Variants in CDH2 observed in about 807,000 individuals in gnomAD.
CDH2 encodes cadherin 2.
In CDH2, 17 loss-of-function variants were observed where a neutral mutation model predicts 92.0. That is an observed-to-expected ratio of 0.18 (90% CI 0.13 to 0.28). The LOEUF is 0.28. Among genes scored for constraint, CDH2 ranks in the 10% least tolerant of loss-of-function variants. CDH2 has a pLI of 1.00. For synonymous variants in CDH2, 419 were observed against 415.9 expected, an observed-to-expected ratio of 1.01 and a Z score of -0.09; for missense variants, 862 against 1,133.1, an observed-to-expected ratio of 0.76 and a Z score of 3.44.
chr18:28,027,698 C>T (rs571746492), intron 2 of CDH2, among the ~76,000 whole-genome samples: 2 of 152,222 alleles, frequency 1.3e-5, no homozygotes, highest in African/African-American at 2.4e-5. Context: ...ATTCTAATAA[C>T]TCAAAAGTTT....
At chr18:28,012,525 C>T (rs2013131052) in intron 3 of CDH2, among the ~76,000 whole-genome samples, 1 of 152,204 alleles carries the variant, frequency 6.6e-6, no homozygotes, top group Non-Finnish European at 1.5e-5. Context: ...AGATGACCCA[C>T]TTTGCACATT....
At chr18:28,166,163 T>TATATATAC (rs2016379547) in intron 1 of CDH2, among the ~76,000 whole-genome samples, 1 of 138,158 alleles carries the variant, frequency 7.2e-6, no homozygotes, top group Non-Finnish European at 1.6e-5. Context: ...TATATATATA[T>TATATATAC]ATATATATAT....
chr18:28,171,950 T>C (rs1321496299), intron 1 of CDH2, among the ~76,000 whole-genome samples: 1 of 152,196 alleles, frequency 6.6e-6, no homozygotes, highest in Non-Finnish European at 1.5e-5. Context: ...TATTATACTG[T>C]TGGTGCCTAA....
At chr18:27,984,940 T>G in intron 13 of CDH2, 60 bp downstream of exon 13, 2 of 1,364,152 alleles carry the variant, frequency 1.5e-6, no homozygotes, top group Non-Finnish European at 2.1e-6. Flanking sequence ...AACACATGAC[T>G]TTGCTGAACA....
At chr18:27,973,980 T>C (rs569454404) in intron 14 of CDH2, among the ~76,000 whole-genome samples, 1 of 152,320 alleles carries the variant, frequency 6.6e-6, no homozygotes, top group Non-Finnish European at 1.5e-5. Flanking sequence ...TGAAACCCAG[T>C]TAATGTTAAG....
At chr18:28,031,448 G>A (rs2013693387) in intron 2 of CDH2, among the ~76,000 whole-genome samples, 1 of 151,942 alleles carries the variant, frequency 6.6e-6, no homozygotes, top group South Asian at 2.1e-4. Context: ...CATCTACGGT[G>A]GCCTTTGAAA....
chr18:28,043,026 T>C (rs2013978082), intron 2 of CDH2, among the ~76,000 whole-genome samples: 1 of 152,202 alleles, frequency 6.6e-6, no homozygotes, highest in Non-Finnish European at 1.5e-5. Context: ...TTGCCAATAT[T>C]AAAGCAAGAA....
chr18:27,995,313 C>CAAAAAA (rs34313496), intron 7 of CDH2, among the ~76,000 whole-genome samples: 1 of 80,240 alleles, frequency 1.2e-5, no homozygotes, highest in African/African-American at 4.9e-5. Flanking sequence ...GACTCCATCT[C>CAAAAAA]AAAAAAAAAA....
chr18:28,062,801 C>G (rs1052534613), intron 2 of CDH2, among the ~76,000 whole-genome samples: 2 of 152,126 alleles, frequency 1.3e-5, no homozygotes, highest in Non-Finnish European at 2.9e-5. Flanking sequence ...GGTGAAACCC[C>G]TTCTCTACCA....
intron 14 of CDH2, among the ~76,000 whole-genome samples, chr18:27,981,102 T>C (rs186510810): frequency 6.6e-5 from 10 of 152,288 alleles, no homozygotes; most frequent in Middle Eastern, 3.4e-3. Flanking sequence ...TTCTTGGTTC[T>C]TGCCTCTGAG....
intron 2 of CDH2, among the ~76,000 whole-genome samples, chr18:28,080,833 T>C (rs1012537625): frequency 4.9e-4 from 74 of 152,256 alleles, no homozygotes; most frequent in African/African-American, 1.6e-3. Flanking sequence ...TTTAACAAAA[T>C]TGAAAAAGGC....
Position 28,013,691 on chromosome 18 carries a change from A to G in CDH2, c.391T>C (p.Ser131Pro), listed in dbSNP as rs183606230. ...ATATTCGGATACTATACCTTCACTG[A>G]CTCCTCAGTTAAGGTTGGCTTCAGG... ...LSLKPTLTEE[S>P]VKESAEVEEI... is the part of the protein sequence containing the mutation. Residue 131 changes from serine to proline, a missense_variant, in exon 3 of 16, where the codon TCA (serine) becomes CCA (proline). By Grantham distance (74) the Ser-to-Pro change is moderately conservative. This residue lies in a region of CDH2 where 159 missense variants were observed against 177.2 expected (regional missense o/e 0.90). Coordinates refer to ENST00000269141, the MANE Select transcript of CDH2 (RefSeq NM_001792.5). 1.1e-5 allele frequency: 18 copies of G among 1,611,800 alleles called. 1 individual carries two copies. Among genetic ancestry groups the G allele is most frequent in the Middle Eastern group, 1.7e-4 (1 of 6,056 alleles).
chr18:28,149,386 C>T (rs2016086853), intron 1 of CDH2, among the ~76,000 whole-genome samples: 1 of 152,100 alleles, frequency 6.6e-6, no homozygotes. Context: ...ATCTCAGAGG[C>T]AAACTAAAAC....
intron 1 of CDH2, among the ~76,000 whole-genome samples, chr18:28,176,053 G>A (rs1376193378): frequency 1.3e-5 from 2 of 152,220 alleles, no homozygotes; most frequent in Non-Finnish European, 2.9e-5. Context: ...AACCCGCAGC[G>A]TGCAGTGGCG....
chr18:27,959,139 TG>T (rs1391732137), intron 15 of CDH2, among the ~76,000 whole-genome samples: 3 of 152,208 alleles, frequency 2.0e-5, no homozygotes, highest in African/African-American at 7.2e-5. Flanking sequence ...ATCTAACTGT[TG>T]GGCTGAGATT....
In CDH2 at chr18:28,035,938, C is replaced by T. The variant is rs546886181; in HGVS notation, c.173-22029G>A. Reference sequence around the variant, plus strand: ...TTATATGAATTAAGATGAAGATCTACTTAGTGGGGATTAGGGAAATTAGGT... The same window carrying T: ...TTATATGAATTAAGATGAAGATCTATTTAGTGGGGATTAGGGAAATTAGGT... On this transcript the variant is annotated intron_variant, in intron 2 of 15. Coordinates refer to ENST00000269141, the MANE Select transcript of CDH2 (RefSeq NM_001792.5). 2.0e-5 allele frequency among the ~76,000 whole-genome samples: 3 copies of T among 152,174 alleles called. No individual in the cohort carries two copies. The South Asian group carries it at 6.2e-4, about 32-fold the overall frequency.
At chr18:28,006,074 A>G (rs2012908226) in intron 5 of CDH2, 81 bp from the exon 6 acceptor site, 1 of 1,129,898 alleles carries the variant, frequency 8.9e-7, no homozygotes, top group African/African-American at 1.5e-5. Context: ...GGCTACAAAA[A>G]TAGCAAGAAT....
chr18:28,087,159 T>C (rs1328580374), intron 2 of CDH2, among the ~76,000 whole-genome samples: 18 of 152,194 alleles, frequency 1.2e-4, no homozygotes. Flanking sequence ...GTTGATGAAT[T>C]TGATAGCATT....
At chr18:28,176,108 G>A (rs1305585368) in intron 1 of CDH2, among the ~76,000 whole-genome samples, 1 of 152,222 alleles carries the variant, frequency 6.6e-6, no homozygotes, top group African/African-American at 2.4e-5. Flanking sequence ...CTGCCGCGGA[G>A]GAGCCTCTTA....
Sources: allele counts gnomAD v4.1 joint callset (sites outside exome capture counted in the v4.1 genomes callset), GRCh38; gene constraint gnomAD v4.1.1; regional missense constraint gnomAD v4.1.1; transcripts MANE v1.5; gene names NCBI Gene and HGNC (gene_info 2026-07-23, HGNC 2026-07-21).